Variants in ATXN7 observed in about 807,000 individuals in gnomAD.
ATXN7 encodes ataxin-7.
ATXN7 carries 12 observed loss-of-function variants against 70.5 expected under a neutral mutation model. The ratio of observed to expected loss-of-function variants is 0.17; its 90% confidence interval spans 0.11 to 0.28. ATXN7 has a LOEUF of 0.28. Ranked by LOEUF, ATXN7 falls within the 10% of genes least tolerant of loss-of-function variation. ATXN7 has a pLI of 1.00. For missense variants in ATXN7, 1,256 were observed against 1,131.7 expected (o/e 1.11, Z -1.58); for synonymous variants, 498 against 448.7 (o/e 1.11, Z -1.39).
intron 5 of ATXN7, among the ~76,000 whole-genome samples, chr3:63,973,195 C>G (rs2075341652): frequency 6.6e-6 from 1 of 152,188 alleles, no homozygotes; most frequent in African/African-American, 2.4e-5. Flanking sequence ...TTGCCCTTTT[C>G]AGGTAATCTT....
chr3:63,985,447 A>T (rs959400107), intron 8 of ATXN7, among the ~76,000 whole-genome samples: 1 of 152,188 alleles, frequency 6.6e-6, no homozygotes, highest in African/African-American at 2.4e-5. Context: ...CTTTTACAGG[A>T]TGACTTGACT....
intron 1 of ATXN7, among the ~76,000 whole-genome samples, chr3:63,898,022 C>T (rs1256754666): frequency 1.3e-5 from 2 of 152,136 alleles, no homozygotes; most frequent in Non-Finnish European, 2.9e-5. Context: ...TAATCTCATT[C>T]AATCTGTGTT....
rs151030272 is a variant in ATXN7 at position 63,924,381 on chromosome 3, A to G, written c.394+11156A>G. Among the ~76,000 whole-genome samples, 9 of 152,100 alleles carry G rather than the reference A, an allele frequency of 5.9e-5. No homozygotes were observed. In the East Asian group the frequency reaches 1.7e-3, roughly 29 times the overall value. On this transcript the variant is annotated intron_variant, in intron 4 of 12. Transcript: ENST00000674280. ...AGCAGTCTGGGGTGGAGACTGGGTC[A>G]GTCTGTATCCTCAACATACAGAGGA...
At chr3:63,884,358 A>G (rs940940758) in intron 1 of ATXN7, among the ~76,000 whole-genome samples, 15 of 152,146 alleles carry the variant, frequency 9.9e-5, no homozygotes, top group African/African-American at 3.4e-4. Flanking sequence ...ACCTAGAACA[A>G]TTTGAGCAGC....
At chr3:63,989,426 C>G (rs1012254108) in intron 9 of ATXN7, among the ~76,000 whole-genome samples, 9 of 152,142 alleles carry the variant, frequency 5.9e-5, no homozygotes, top group African/African-American at 2.2e-4. Context: ...CCTGTCTCTC[C>G]TAGGTTATCT....
At chr3:63,918,060 G>T (rs1054898823) in intron 4 of ATXN7, among the ~76,000 whole-genome samples, 1 of 152,174 alleles carries the variant, frequency 6.6e-6, no homozygotes, top group Admixed American at 6.5e-5. Context: ...TAGCAACCCA[G>T]TGTGATGTCC....
intron 5 of ATXN7, among the ~76,000 whole-genome samples, chr3:63,959,566 A>G (rs1223516169): frequency 6.6e-6 from 1 of 152,222 alleles, no homozygotes; most frequent in Non-Finnish European, 1.5e-5. Flanking sequence ...CGTGACATAC[A>G]GTGTATTCAT....
At chr3:63,890,727 A>C (rs1379047819) in intron 1 of ATXN7, among the ~76,000 whole-genome samples, 2 of 152,238 alleles carry the variant, frequency 1.3e-5, no homozygotes, top group Non-Finnish European at 2.9e-5. Context: ...AGAGTAGGCT[A>C]ACTGCTATAA....
rs558257518 is a variant in ATXN7 at position 63,959,964 on chromosome 3, G to T, written c.499+7481G>T. On this transcript the variant is annotated intron_variant, in intron 5 of 12. Transcript: ENST00000674280. Reference sequence around the variant, plus strand: ...TATGATTTCATGCACCTTATATTCTGACTTAATACAATACATTGTATTAAG... The same window carrying T: ...TATGATTTCATGCACCTTATATTCTTACTTAATACAATACATTGTATTAAG... 2.0e-5 allele frequency among the ~76,000 whole-genome samples: 3 copies of T among 152,242 alleles called. No homozygotes were observed. The East Asian group carries it at 5.8e-4, about 29-fold the overall frequency.
chr3:63,871,224 C>T (rs1332154078), intron 1 of ATXN7, among the ~76,000 whole-genome samples: 1 of 152,086 alleles, frequency 6.6e-6, no homozygotes, highest in Non-Finnish European at 1.5e-5. Flanking sequence ...ATTTTTCCCC[C>T]TCCAAATGTA....
At chr3:63,999,026 A>G (rs1444638593) in intron 12 of ATXN7, 1 of 163,668 alleles carries the variant, frequency 6.1e-6, no homozygotes, top group African/African-American at 2.4e-5. Context: ...CAGCATGGGC[A>G]CTGCCTTGAG....
At chr3:63,919,411 A>G (rs907901685) in intron 4 of ATXN7, among the ~76,000 whole-genome samples, 1 of 152,198 alleles carries the variant, frequency 6.6e-6, no homozygotes, top group Non-Finnish European at 1.5e-5. Flanking sequence ...ATCGCAGAAT[A>G]CAGTCTTATT....
At chr3:63,882,619 A>G (rs1364104035) in intron 1 of ATXN7, among the ~76,000 whole-genome samples, 1 of 151,946 alleles carries the variant, frequency 6.6e-6, no homozygotes, top group Non-Finnish European at 1.5e-5. Flanking sequence ...TGGCTGTCTT[A>G]AGGTAATTCA....
chr3:63,873,476 C>A (rs979181383), intron 1 of ATXN7, among the ~76,000 whole-genome samples: 2 of 152,108 alleles, frequency 1.3e-5, no homozygotes, highest in Non-Finnish European at 2.9e-5. Flanking sequence ...ATACTGGGTC[C>A]CAGCAGGTGC....
chr3:63,997,871 T>C (rs1304019743), intron 12 of ATXN7: 5 of 985,296 alleles, frequency 5.1e-6, no homozygotes, highest in East Asian at 1.1e-4. Flanking sequence ...GGGGAAAATA[T>C]TTGTGAATTT....
rs143497786 is a variant in ATXN7, at chr3:63,910,826, A to ATG, written c.-11-1746_-11-1745dup. Among the ~76,000 whole-genome samples, 150 of 150,828 alleles carry ATG rather than the reference A, an allele frequency of 9.9e-4. No homozygotes were observed. The Middle Eastern group carries it at 0.01, about 10-fold the overall frequency. ...ATTTCTAAATCTTTCTAAAATAAAA[A>ATG]TGTGTGTGTGTGTGTGTATGTGTAA... On this transcript the variant is annotated intron_variant, in intron 2 of 12. Coordinates refer to ENST00000674280, the MANE Select transcript of ATXN7 (RefSeq NM_001377405.1).
chr3:63,887,163 T>G (rs1432781415), intron 1 of ATXN7, among the ~76,000 whole-genome samples: 1 of 152,152 alleles, frequency 6.6e-6, no homozygotes, highest in Non-Finnish European at 1.5e-5. Context: ...ATTGAGCCCG[T>G]TAGGTGTGAG....
intron 2 of ATXN7, among the ~76,000 whole-genome samples, chr3:63,909,725 A>G (rs1703949174): frequency 6.6e-6 from 1 of 152,184 alleles, no homozygotes; most frequent in Non-Finnish European, 1.5e-5. Flanking sequence ...AGGAGTTAGG[A>G]CTTTTTTATG....
chr3:63,952,547 A>G (rs2074971854), intron 5 of ATXN7, 64 bp downstream of exon 5: 1 of 1,195,786 alleles, frequency 8.4e-7, no homozygotes, highest in Non-Finnish European at 1.2e-6. Flanking sequence ...GATTAAACTA[A>G]GGAACAGTGA....
Sources: gnomAD v4.1 joint callset for allele counts (sites outside exome capture counted in the v4.1 genomes callset) on GRCh38, gnomAD v4.1.1 for gene constraint, MANE v1.5 for transcripts, NCBI Gene and HGNC (gene_info 2026-07-23, HGNC 2026-07-21) for gene names.